The following ZMYM4 variants were observed in gnomAD, a reference collection of about 807,000 sequenced individuals.
ZMYM4 encodes the protein zinc finger MYM-type protein 4.
A neutral mutation model predicts 183.2 loss-of-function variants in ZMYM4; 31 were observed. That is an observed-to-expected ratio of 0.17 (90% CI 0.13 to 0.23). The LOEUF is 0.23. Among genes scored for constraint, ZMYM4 ranks in the 10% least tolerant of loss-of-function variants. ZMYM4 has a pLI of 1.00. For missense variants in ZMYM4, 1,273 were observed against 1,840.3 expected (o/e 0.69, Z 5.64); for synonymous variants, 592 against 631.2 (o/e 0.94, Z 0.93).
intron 1 of ZMYM4, 55 bp downstream of exon 1, chr1:35,269,140 C>T (rs1639461177): frequency 3.9e-6 from 6 of 1,540,220 alleles, no homozygotes; most frequent in Middle Eastern, 4.1e-4. Flanking sequence ...GGCCCGGGGC[C>T]GGGAATGGGC....
chr1:35,418,674 A>G (rs2149051664), intron 29 of ZMYM4, 102 bp downstream of exon 29: 1 of 1,467,260 alleles, frequency 6.8e-7, no homozygotes, highest in South Asian at 1.3e-5. Context: ...CCGTGGCTTT[A>G]GACAAGGATT....
rs1231646476 is a variant in ZMYM4 at position 35,352,386 on chromosome 1, G to GCGCGCGCACA, written c.86-6538_86-6537insGCGCGCACAC. 2.9e-4 allele frequency among the ~76,000 whole-genome samples: 37 copies of GCGCGCGCACA among 128,472 alleles called. 1 individual carries two copies. Among genetic ancestry groups the GCGCGCGCACA allele is most frequent in the Admixed American group, 1.7e-3 (22 of 12,784 alleles). The allele number at this position is 128,472 out of a possible 152,430, so 84.3% of individuals were successfully genotyped here. A position where few individuals can be genotyped will look rare whatever the true frequency, so the allele number is the denominator to read the frequency against. On this transcript the variant is annotated intron_variant, in intron 2 of 29. Transcript: ENST00000314607. ...CTCTACTAATAATTTAAAAATTAGC[G>GCGCGCGCACA]CACACACACACACACACACACACAC...
chr1:35,290,589 C>T (rs1037107006), intron 1 of ZMYM4, among the ~76,000 whole-genome samples: 1 of 152,072 alleles, frequency 6.6e-6, no homozygotes. Flanking sequence ...GCCACCATGC[C>T]TGGCTCATTT....
chr1:35,404,937 G>A, intron 23 of ZMYM4, 86 bp from the exon 24 acceptor site: 9 of 1,351,314 alleles, frequency 6.7e-6, no homozygotes, highest in Non-Finnish European at 8.1e-6. Context: ...TTCTACAAAT[G>A]TATACCCTTT....
intron 25 of ZMYM4, among the ~76,000 whole-genome samples, chr1:35,406,245 T>G (rs1409719470): frequency 6.6e-6 from 1 of 152,226 alleles, no homozygotes; most frequent in East Asian, 1.9e-4. Flanking sequence ...GGGCAGTGAC[T>G]AACTCATTGA....
chr1:35,387,277 A>G lies in ZMYM4; in HGVS notation c.2111A>G (p.Lys704Arg). The G allele has an allele frequency of 3.7e-6, 6 of 1,613,824 alleles. No individual in the cohort carries two copies. The highest frequency in any genetic ancestry group is 5.1e-6 in the Non-Finnish European group (6 of 1,179,738). ...FATKPELLDY[K>R]GKMFQFCGKN... ...ACAAAACCAGAACTTCTTGACTATA[A>G]GGTAAAGTATAGCATGTTCATGATA... The change falls in exon 12 of 30, where the codon AAG becomes AGG. Residue 704 changes from lysine (K) to arginine (R), a missense_variant and splice_region_variant. Around this residue, in one of 6 missense-constraint regions of ZMYM4, gnomAD observed 319 missense variants for 518.1 expected, o/e 0.62. Transcript: ENST00000314607.
intron 2 of ZMYM4, 57 bp from the exon 3 acceptor site, chr1:35,358,868 A>T: frequency 7.1e-7 from 1 of 1,417,982 alleles, no homozygotes; most frequent in Non-Finnish European, 9.7e-7. Context: ...GACTGACCTT[A>T]TCATTGTGGT....
At chr1:35,361,323 T>G in intron 4 of ZMYM4, 68 bp downstream of exon 4, 2 of 1,444,218 alleles carry the variant, frequency 1.4e-6, no homozygotes, top group Non-Finnish European at 1.9e-6. Flanking sequence ...TTATGTCAGT[T>G]TCTAAATTCT....
At chr1:35,320,092 G>T (rs918039253) in intron 1 of ZMYM4, among the ~76,000 whole-genome samples, 13 of 152,162 alleles carry the variant, frequency 8.5e-5, no homozygotes, top group African/African-American at 3.1e-4. Context: ...TCTGCCCCAG[G>T]TTCCTGGCAC....
intron 1 of ZMYM4, among the ~76,000 whole-genome samples, chr1:35,290,248 G>A (rs188461083): frequency 1.3e-5 from 2 of 152,298 alleles, no homozygotes; most frequent in East Asian, 1.9e-4. Flanking sequence ...GATTACAGGC[G>A]TGAGCCATCT....
At chr1:35,272,144 G>A (rs772065186) in intron 1 of ZMYM4, among the ~76,000 whole-genome samples, 1 of 152,106 alleles carries the variant, frequency 6.6e-6, no homozygotes, top group Non-Finnish European at 1.5e-5. Context: ...CCGATTAATG[G>A]GGACTATGCA....
chr1:35,405,242 T>G (rs1189741277), intron 24 of ZMYM4, 48 bp downstream of exon 24: 1 of 1,600,438 alleles, frequency 6.2e-7, no homozygotes, highest in Admixed American at 1.7e-5. Flanking sequence ...GGGGGAAATA[T>G]ACAGATAATC....
At chr1:35,277,221 T>A (rs1557891351) in intron 1 of ZMYM4, among the ~76,000 whole-genome samples, 1 of 152,202 alleles carries the variant, frequency 6.6e-6, no homozygotes, top group Non-Finnish European at 1.5e-5. Context: ...ATCAATATTT[T>A]AAAAAATTTA....
At chr1:35,397,099 C>G in intron 19 of ZMYM4, 5 of 1,062,606 alleles carry the variant, frequency 4.7e-6, no homozygotes, top group Non-Finnish European at 5.7e-6. Context: ...GTGAGAAATA[C>G]AAGCAAAAAC....
Position 35,381,260 on chromosome 1 carries a change from G to A in ZMYM4, c.1183G>A (p.Asp395Asn), listed in dbSNP as rs774574418. The change falls in exon 8 of 30, where the codon GAC becomes AAC. Residue 395 changes from aspartate to asparagine, a missense_variant and splice_region_variant. By Grantham distance (23) the Asp-to-Asn change is conservative. Around this residue, in one of 6 missense-constraint regions of ZMYM4, gnomAD observed 384 missense variants for 465.6 expected, o/e 0.82. Coordinates refer to ENST00000314607, the MANE Select transcript of ZMYM4 (RefSeq NM_005095.3). ...ATGTTATTTTTTTCTTATTTTTAGA[G>A]ACATTTTAAATCCAAAGGATGTGAT... ...TKKTCSSCSK[D>N]ILNPKDVISA... 3 of 1,568,346 alleles carry A rather than the reference G, an allele frequency of 1.9e-6. No homozygotes were observed. The highest frequency in any genetic ancestry group is 1.7e-6 in the Non-Finnish European group (2 of 1,160,196).
At chr1:35,291,308 G>T (rs907791445) in intron 1 of ZMYM4, among the ~76,000 whole-genome samples, 2 of 151,872 alleles carry the variant, frequency 1.3e-5, no homozygotes, top group Non-Finnish European at 2.9e-5. Flanking sequence ...CAGAAATAGG[G>T]TGCCGGGTCT....
chr1:35,280,548 T>G (rs981153960), intron 1 of ZMYM4, among the ~76,000 whole-genome samples: 2 of 152,210 alleles, frequency 1.3e-5, no homozygotes, highest in African/African-American at 4.8e-5. Context: ...TGGTTTAAAA[T>G]TAAAGAAATT....
At chr1:35,319,228 A>G (rs1642185166) in intron 1 of ZMYM4, among the ~76,000 whole-genome samples, 1 of 152,218 alleles carries the variant, frequency 6.6e-6, no homozygotes, top group Admixed American at 6.5e-5. Context: ...AAAAAAGATC[A>G]TGGAACAATT....
intron 1 of ZMYM4, among the ~76,000 whole-genome samples, chr1:35,283,326 CTTTTTTTTTTTTTTT>C (rs201360397): frequency 6.0e-4 from 34 of 56,768 alleles, no homozygotes; most frequent in African/African-American, 2.1e-3. Flanking sequence ...GAAGTGGTAT[CTTTTTTTTTTTTTTT>C]TTTTTTTTTT....
Sources: gnomAD v4.1 joint callset for allele counts (sites outside exome capture counted in the v4.1 genomes callset) on GRCh38, gnomAD v4.1.1 for gene constraint, gnomAD v4.1.1 regional missense constraint, MANE v1.5 for transcripts, NCBI Gene and HGNC (gene_info 2026-07-23, HGNC 2026-07-21) for gene names.